MEGF11: variants seen among roughly 807,000 people sequenced by gnomAD.
MEGF11 encodes multiple epidermal growth factor-like domains protein 11.
Under a neutral mutation model 146.6 loss-of-function variants are expected in MEGF11, and 126 were observed. The ratio of observed to expected loss-of-function variants is 0.86; its 90% CI spans 0.74 to 1.00. The LOEUF is 1.00. MEGF11 is among the 50% of genes least tolerant of loss of function. The pLI, the probability that MEGF11 is intolerant of heterozygous loss-of-function variation, is 0.00. For missense variants in MEGF11, 1,509 were observed against 1,521.2 expected, an observed-to-expected ratio of 0.99 and a Z score of 0.13; for synonymous variants, 532 against 583.4, an observed-to-expected ratio of 0.91 and a Z score of 1.27.
intron 5 of MEGF11, among the ~76,000 whole-genome samples, chr15:65,995,325 T>C (rs746413113): frequency 3.4e-4 from 52 of 152,378 alleles, no homozygotes; most frequent in Non-Finnish European, 5.9e-5. Flanking sequence ...ATCCATCATA[T>C]GGTCCTCACT....
chr15:66,191,774 CT>C (rs2090887711), intron 1 of MEGF11, among the ~76,000 whole-genome samples: 1 of 152,174 alleles, frequency 6.6e-6, no homozygotes, highest in African/African-American at 2.4e-5. Context: ...GGGTTATAAT[CT>C]TAATAAAAAG....
At chr15:66,226,023 A>T (rs911820369) in intron 1 of MEGF11, among the ~76,000 whole-genome samples, 2 of 152,232 alleles carry the variant, frequency 1.3e-5, no homozygotes, top group African/African-American at 4.8e-5. Context: ...GTTAAATGGC[A>T]AATTCAAGAA....
chr15:66,212,333 A>T (rs1266067938), intron 1 of MEGF11, among the ~76,000 whole-genome samples: 1 of 152,086 alleles, frequency 6.6e-6, no homozygotes, highest in Non-Finnish European at 1.5e-5. Flanking sequence ...GGGACTTGGC[A>T]CCCACCTATC....
intron 1 of MEGF11, among the ~76,000 whole-genome samples, chr15:66,202,120 C>T (rs1394965542): frequency 4.0e-5 from 6 of 148,778 alleles, no homozygotes; most frequent in South Asian, 2.1e-4. Flanking sequence ...TACATTCACG[C>T]GTGCATGCAC....
chr15:66,205,834 A>G (rs2091285701), intron 1 of MEGF11, among the ~76,000 whole-genome samples: 1 of 152,256 alleles, frequency 6.6e-6, no homozygotes, highest in Non-Finnish European at 1.5e-5. Context: ...CAATTGACAC[A>G]GAGGTTTAAT....
intron 1 of MEGF11, among the ~76,000 whole-genome samples, chr15:66,245,471 G>A (rs201681825): frequency 1.1e-4 from 16 of 148,342 alleles, no homozygotes; most frequent in South Asian, 2.1e-4. Context: ...TGTAAAAAAA[G>A]AAAAAAAAAA....
At chr15:66,064,122 C>A (rs1369396483) in intron 5 of MEGF11, among the ~76,000 whole-genome samples, 1 of 152,146 alleles carries the variant, frequency 6.6e-6, no homozygotes, top group Admixed American at 6.5e-5. Flanking sequence ...GTAATCCCAG[C>A]ACTTGGAGGC....
At chr15:65,994,175 C>T (rs2082135234) in intron 5 of MEGF11, among the ~76,000 whole-genome samples, 1 of 152,208 alleles carries the variant, frequency 6.6e-6, no homozygotes, top group Admixed American at 6.5e-5. Context: ...TAATTCCTCT[C>T]ACACTCAGAA....
chr15:66,059,342 C>T (rs1455111939), intron 5 of MEGF11, among the ~76,000 whole-genome samples: 3 of 152,200 alleles, frequency 2.0e-5, no homozygotes, highest in African/African-American at 7.2e-5. Context: ...TACCCCTTCT[C>T]CCAGCCCATA....
rs72742830 is a variant in MEGF11, at chr15:65,948,989, T to C, written c.1287+8558A>G. Among the ~76,000 whole-genome samples the C allele has an allele frequency of 9.2e-3, 1,399 of 152,322 alleles. 19 individuals carry two copies. The highest frequency in any genetic ancestry group is 0.014 in the Non-Finnish European group (986 of 68,020). On this transcript the variant is annotated intron_variant, in intron 10 of 25. Transcript: ENST00000395614. ...CTACAGTAATTGGGAAATGAGTCAA[T>C]AGTGGGAGGTGAGGGGATGAGAAGC... is the stretch of plus-strand genomic sequence containing the variant.
At chr15:66,189,576 AG>A (rs2141183831) in intron 1 of MEGF11, among the ~76,000 whole-genome samples, 1 of 152,260 alleles carries the variant, frequency 6.6e-6, no homozygotes, top group Non-Finnish European at 1.5e-5. Flanking sequence ...GCTAATCCCC[AG>A]GAAGGACAAT....
chr15:65,901,318 T>TCAA (rs1414856605), intron 24 of MEGF11, among the ~76,000 whole-genome samples: 2 of 151,736 alleles, frequency 1.3e-5, no homozygotes, highest in East Asian at 3.9e-4. Flanking sequence ...TGCACCTGCC[T>TCAA]CAACTGCATA....
At chr15:66,026,628 C>T (rs888147679) in intron 5 of MEGF11, among the ~76,000 whole-genome samples, 7 of 152,036 alleles carry the variant, frequency 4.6e-5, no homozygotes, top group African/African-American at 1.4e-4. Flanking sequence ...GGATTACAGG[C>T]GCATGCCACC....
chr15:65,925,338 G>T (rs1232028995), intron 13 of MEGF11, among the ~76,000 whole-genome samples: 1 of 152,216 alleles, frequency 6.6e-6, no homozygotes, highest in Non-Finnish European at 1.5e-5. Flanking sequence ...TGGCTGCAAA[G>T]TCCCACTGGG....
chr15:65,970,542 A>G lies in MEGF11; in HGVS notation c.899+11T>C. The G allele has an allele frequency of 6.2e-7, 1 of 1,612,970 alleles. No individual in the cohort carries two copies. Among genetic ancestry groups the G allele is most frequent in the Non-Finnish European group, 8.5e-7 (1 of 1,179,192 alleles). ...ATGGACAGCAAAGATAACAGTTAACACTATCCTTACCTGTCCCCCATGTAT... is the reference window on the plus strand; with the variant it reads ...ATGGACAGCAAAGATAACAGTTAACGCTATCCTTACCTGTCCCCCATGTAT... On this transcript the variant is annotated intron_variant, in intron 8 of 25. Transcript: ENST00000395614.
intron 1 of MEGF11, among the ~76,000 whole-genome samples, chr15:66,152,084 AG>A (rs1341990974): frequency 5.3e-5 from 8 of 152,244 alleles, no homozygotes; most frequent in South Asian, 2.1e-4. Flanking sequence ...TTTTCATTCC[AG>A]GAGCTCTAGC....
In MEGF11 at chr15:66,018,456, G is replaced by A. The variant is rs143108674; in HGVS notation, c.395-35968C>T. Reference sequence around the variant, plus strand: ...CACAGGGTGGCCTGGACTCAGCCCCGCTGTGGTTTCTGTGCAGTGCATGAA... The same window carrying A: ...CACAGGGTGGCCTGGACTCAGCCCCACTGTGGTTTCTGTGCAGTGCATGAA... On this transcript the variant is annotated intron_variant, in intron 5 of 25. Transcript: ENST00000395614. Among the ~76,000 whole-genome samples the A allele has an allele frequency of 1.2e-3, 190 of 152,362 alleles. 2 individuals carry two copies. Among genetic ancestry groups the A allele is most frequent in the African/African-American group, 4.4e-3 (182 of 41,590 alleles).
intron 1 of MEGF11, among the ~76,000 whole-genome samples, chr15:66,221,290 A>G (rs2091731800): frequency 6.6e-6 from 1 of 151,962 alleles, no homozygotes; most frequent in African/African-American, 2.4e-5. Flanking sequence ...CAGCCGCTCC[A>G]GCACGCCTGC....
At chr15:66,114,586 T>C (rs2087621950) in intron 4 of MEGF11, among the ~76,000 whole-genome samples, 1 of 152,210 alleles carries the variant, frequency 6.6e-6, no homozygotes. Context: ...GACATAAAAC[T>C]AGCTCCATCT....
Sources: allele counts gnomAD v4.1 joint callset (sites outside exome capture counted in the v4.1 genomes callset), GRCh38; gene constraint gnomAD v4.1.1; transcripts MANE v1.5; gene names NCBI Gene and HGNC (gene_info 2026-07-23, HGNC 2026-07-21).